The following FRMD6 variants were observed in gnomAD, a reference collection of about 807,000 sequenced individuals.
FRMD6 encodes FERM domain containing 6.
A neutral mutation model predicts 73.2 loss-of-function variants in FRMD6; 37 were observed. The observed-to-expected ratio is 0.51, with a 90% CI of 0.39 to 0.66. The LOEUF is 0.66. FRMD6 is among the 30% of genes least tolerant of loss of function. FRMD6 has a pLI of 0.00. For synonymous variants in FRMD6, 273 were observed against 282.2 expected, an observed-to-expected ratio of 0.97 and a Z score of 0.33; for missense variants, 714 against 780.5, an observed-to-expected ratio of 0.91 and a Z score of 1.02.
At chr14:51,480,236 AT>A in the FRMD6 span, among the ~76,000 whole-genome samples, 1 of 152,188 alleles carries the variant, frequency 6.6e-6, no homozygotes, top group African/African-American at 2.4e-5. Flanking sequence ...GCACAGTTGC[AT>A]TTTGGGATCT....
At chr14:51,722,204 G>A (rs572815129) in intron 12 of FRMD6, 124 bp downstream of exon 12, 2 of 902,204 alleles carry the variant, frequency 2.2e-6, no homozygotes, top group East Asian at 2.5e-5. Context: ...TGCACTAAGA[G>A]TCTCTTCAGG....
At chr14:51,490,105 G>T (rs189224862) in intron 1 of FRMD6, among the ~76,000 whole-genome samples, 122 of 152,326 alleles carry the variant, frequency 8.0e-4, no homozygotes, top group African/African-American at 2.8e-3. Flanking sequence ...TACAGAGTTT[G>T]TCATAACCAG....
At chr14:51,655,266 C>T (rs1353059005) in intron 1 of FRMD6, among the ~76,000 whole-genome samples, 1 of 152,134 alleles carries the variant, frequency 6.6e-6, no homozygotes, top group East Asian at 1.9e-4. Context: ...TTGTTGCACA[C>T]ATTAAAATTA....
intron 1 of FRMD6, among the ~76,000 whole-genome samples, chr14:51,665,295 T>C (rs1893500102): frequency 6.6e-6 from 1 of 152,238 alleles, no homozygotes; most frequent in Admixed American, 6.5e-5. Context: ...GAGACTCTCT[T>C]GTCCTCAACA....
intron 2 of FRMD6, among the ~76,000 whole-genome samples, chr14:51,582,035 A>T (rs1888754586): frequency 6.6e-6 from 1 of 152,218 alleles, no homozygotes; most frequent in Non-Finnish European, 1.5e-5. Context: ...AGGCTCCTTT[A>T]GAATAGGACC....
intron 2 of FRMD6, among the ~76,000 whole-genome samples, chr14:51,590,562 G>A (rs888558906): frequency 7.9e-5 from 12 of 152,184 alleles, no homozygotes; most frequent in Admixed American, 7.9e-4. Flanking sequence ...TACAGACTGT[G>A]TGGCTTAGAA....
the FRMD6 span, among the ~76,000 whole-genome samples, chr14:51,413,991 C>T: frequency 4.1e-3 from 630 of 152,238 alleles, 5 homozygotes; most frequent in African/African-American, 0.015. Context: ...CCTTTGCCCA[C>T]TTTTTGATGG....
At chr14:51,698,497 A>G (rs1428305745) in intron 3 of FRMD6, among the ~76,000 whole-genome samples, 3 of 152,048 alleles carry the variant, frequency 2.0e-5, no homozygotes, top group South Asian at 2.1e-4. Context: ...TCTAGATTCT[A>G]TGTGTTTGCT....
intron 1 of FRMD6, among the ~76,000 whole-genome samples, chr14:51,535,181 T>TA (rs1224087048): frequency 4.0e-5 from 6 of 151,814 alleles, no homozygotes; most frequent in South Asian, 2.1e-4. Context: ...TAGCCCCACT[T>TA]AAAAAAAATA....
intron 1 of FRMD6, among the ~76,000 whole-genome samples, chr14:51,557,566 G>A (rs1037139162): frequency 1.3e-5 from 2 of 152,116 alleles, no homozygotes; most frequent in African/African-American, 4.8e-5. Flanking sequence ...ATTTCAGTTA[G>A]ACAGGAAACA....
At chr14:51,639,164 A>C (rs1420687607) in intron 2 of FRMD6, among the ~76,000 whole-genome samples, 1 of 152,094 alleles carries the variant, frequency 6.6e-6, no homozygotes. Context: ...GAGTTCACAC[A>C]CAAAAATAAT....
intron 1 of FRMD6, among the ~76,000 whole-genome samples, chr14:51,568,680 A>G (rs1387239690): frequency 2.6e-5 from 4 of 152,168 alleles, no homozygotes. Flanking sequence ...TATGGAAACA[A>G]TGACCTCTAC....
chr14:51,655,182 A>ATGTTTT, intron 1 of FRMD6, among the ~76,000 whole-genome samples: 1 of 152,198 alleles, frequency 6.6e-6, no homozygotes, highest in Non-Finnish European at 1.5e-5. Context: ...CAACGAGGAA[A>ATGTTTT]AACAAACACA....
chr14:51,490,616 T>TTGTGTGTGTGTGTGTGTGTGTGTGTG (rs58046471), intron 1 of FRMD6, among the ~76,000 whole-genome samples: 11 of 148,126 alleles, frequency 7.4e-5, no homozygotes, highest in South Asian at 2.2e-4. Flanking sequence ...TGTGTGTATT[T>TTGTGTGTGTGTGTGTGTGTGTGTGTG]TGTGTGTGTG....
At chr14:51,459,220 G>A in the FRMD6 span, among the ~76,000 whole-genome samples, 2 of 152,176 alleles carry the variant, frequency 1.3e-5, no homozygotes, top group East Asian at 1.9e-4. Flanking sequence ...ATGCTGTTCA[G>A]TCATTTGCTA....
At chr14:51,538,739 C>T (rs938735266) in intron 1 of FRMD6, among the ~76,000 whole-genome samples, 12 of 152,194 alleles carry the variant, frequency 7.9e-5, no homozygotes, top group Non-Finnish European at 1.5e-4. Context: ...ACTCTCAGTG[C>T]TACCCCATTG....
chr14:51,429,145 G>A, the FRMD6 span, among the ~76,000 whole-genome samples: 7 of 152,290 alleles, frequency 4.6e-5, no homozygotes, highest in South Asian at 2.1e-4. Flanking sequence ...AAGCATGTGT[G>A]TGAAGTCATC....
intron 2 of FRMD6, among the ~76,000 whole-genome samples, chr14:51,628,215 T>C (rs961360962): frequency 6.6e-6 from 1 of 152,204 alleles, no homozygotes; most frequent in African/African-American, 2.4e-5. Flanking sequence ...AAGAGTACAA[T>C]CTATGATATT....
At chr14:51,409,340 CTTT>C in the FRMD6 span, among the ~76,000 whole-genome samples, 374 of 84,162 alleles carry the variant, frequency 4.4e-3, 1 homozygote, top group African/African-American at 8.1e-3. Context: ...AAGTTTTTTG[CTTT>C]TTTTTTTTTT....
Sources: allele counts gnomAD v4.1 joint callset (sites outside exome capture counted in the v4.1 genomes callset), GRCh38; gene constraint gnomAD v4.1.1; transcripts MANE v1.5; gene names NCBI Gene and HGNC (gene_info 2026-07-23, HGNC 2026-07-21).